Variants in OLFML2B observed in about 807,000 individuals in gnomAD.
OLFML2B encodes olfactomedin like 2B, also known as olfactomedin-like protein 2B.
In OLFML2B, 57 loss-of-function variants were observed where a neutral mutation model predicts 74.9. The observed-to-expected ratio is 0.76, with a 90% CI of 0.61 to 0.95. The LOEUF (loss-of-function observed/expected upper bound fraction) is 0.95. Among genes scored for constraint, OLFML2B ranks in the 40% least tolerant of loss-of-function variants. The pLI is 0.00. For missense variants in OLFML2B, 986 were observed against 970.6 expected (o/e 1.02, Z -0.21); for synonymous variants, 388 against 405.8 (o/e 0.96, Z 0.53).
chr1:161,989,260 C>G (rs932697270), intron 6 of OLFML2B, among the ~76,000 whole-genome samples: 2 of 152,226 alleles, frequency 1.3e-5, no homozygotes, highest in South Asian at 4.1e-4. Flanking sequence ...CACATCAGCC[C>G]TTCCTGCATC....
At chr1:162,007,440 G>A (rs576103891) in intron 3 of OLFML2B, among the ~76,000 whole-genome samples, 1 of 152,312 alleles carries the variant, frequency 6.6e-6, no homozygotes, top group South Asian at 2.1e-4. Context: ...TTTTCCTCTA[G>A]TTATTTTTAA....
chr1:162,022,244 C>A, intron 1 of OLFML2B, among the ~76,000 whole-genome samples: 2 of 70,774 alleles, frequency 2.8e-5, no homozygotes, highest in African/African-American at 5.9e-5. Context: ...TGTATCTCTT[C>A]TTTTTTTTTT....
intron 6 of OLFML2B, 58 bp from the exon 7 acceptor site, chr1:161,985,038 A>T: frequency 2.7e-6 from 4 of 1,504,822 alleles, no homozygotes; most frequent in Non-Finnish European, 3.6e-6. Flanking sequence ...CTCACCCCTT[A>T]AACCTTTGCT....
chr1:162,013,320 G>A (rs1432291644), intron 3 of OLFML2B, among the ~76,000 whole-genome samples: 1 of 152,148 alleles, frequency 6.6e-6, no homozygotes, highest in African/African-American at 2.4e-5. Flanking sequence ...ACCACCTTGA[G>A]TGTTTCTTAT....
intron 4 of OLFML2B, among the ~76,000 whole-genome samples, chr1:162,002,464 C>G (rs1690107264): frequency 1.3e-5 from 2 of 152,254 alleles, no homozygotes; most frequent in African/African-American, 2.4e-5. Context: ...TTTAGCTACT[C>G]CATGTTGGCT....
intron 2 of OLFML2B, among the ~76,000 whole-genome samples, chr1:162,018,198 G>T (rs566701909): frequency 3.3e-5 from 5 of 152,186 alleles, no homozygotes; most frequent in African/African-American, 4.8e-5. Flanking sequence ...CTTAGTAGCT[G>T]GGTGACAAAA....
At chr1:161,986,938 C>T (rs923549597) in intron 6 of OLFML2B, among the ~76,000 whole-genome samples, 1 of 152,244 alleles carries the variant, frequency 6.6e-6, no homozygotes, top group African/African-American at 2.4e-5. Flanking sequence ...TGACCAAACA[C>T]AGAAATTGCA....
At chr1:162,008,361 G>A (rs1690290676) in intron 3 of OLFML2B, among the ~76,000 whole-genome samples, 1 of 152,150 alleles carries the variant, frequency 6.6e-6, no homozygotes, top group African/African-American at 2.4e-5. Context: ...CTGAGGCCCA[G>A]AGCAAGAATG....
In OLFML2B at chr1:161,983,261, A is replaced by T. The variant is rs752033327; in HGVS notation, c.*414T>A. ...GGGTTTTTTAAAACTTCTCCAATAC[A>T]TTAAAACTTTTTTTCTCGCCACATA... is the stretch of plus-strand genomic sequence containing the variant. On this transcript the variant is annotated 3_prime_UTR_variant, in exon 8 of 8. Coordinates refer to ENST00000294794, the MANE Select transcript of OLFML2B (RefSeq NM_015441.3). 1.1e-3 allele frequency: 164 copies of T among 154,734 alleles called. No individual in the cohort carries two copies. The highest frequency in any genetic ancestry group is 2.1e-3 in the Non-Finnish European group (148 of 70,042). The allele number at this position is 154,734 out of a possible 1,614,324, so 9.6% of individuals were successfully genotyped here. A position where few individuals can be genotyped will look rare whatever the true frequency, so the allele number is the denominator to read the frequency against.
chr1:161,992,617 TG>T (rs1162478649), intron 6 of OLFML2B, among the ~76,000 whole-genome samples: 4 of 152,124 alleles, frequency 2.6e-5, no homozygotes, highest in Admixed American at 1.3e-4. Flanking sequence ...TAGAGGCCAT[TG>T]TAGGGTTATT....
chr1:162,023,290 G>A lies in OLFML2B; in HGVS notation c.141C>T (p.Asn47=), dbSNP rs770352048. ...AAACGTTCTCCTGGTTGTCCGCCTC[G>A]TTTTGCAGAGTCTCGTCCTCCGCAG... The part of the protein sequence containing the change: ...VAPAEDETLQ[N]EADNQENVLS... The change falls in exon 1 of 8, where the codon AAC becomes AAT. Residue 47 remains asparagine (N), a synonymous_variant. Transcript: ENST00000294794. 2 of 1,575,660 alleles carry A rather than the reference G, an allele frequency of 1.3e-6. No individual in the cohort carries two copies. The highest frequency in any genetic ancestry group is 1.4e-5 in the African/African-American group (1 of 73,538).
At chr1:161,990,455 TA>T (rs1160137700) in intron 6 of OLFML2B, among the ~76,000 whole-genome samples, 3 of 152,250 alleles carry the variant, frequency 2.0e-5, no homozygotes, top group African/African-American at 7.2e-5. Context: ...CCAGTGAGTA[TA>T]AAAGTTATGT....
At chr1:162,009,072 G>T (rs1339975894) in intron 3 of OLFML2B, among the ~76,000 whole-genome samples, 1 of 152,212 alleles carries the variant, frequency 6.6e-6, no homozygotes, top group Non-Finnish European at 1.5e-5. Flanking sequence ...TGCACTGAGG[G>T]TTCAAGCGTG....
chr1:161,996,781 T>G (rs1053975990), intron 6 of OLFML2B, among the ~76,000 whole-genome samples: 1 of 152,218 alleles, frequency 6.6e-6, no homozygotes, highest in Non-Finnish European at 1.5e-5. Context: ...AGGCACAGAA[T>G]AGGGCTGCAT....
intron 6 of OLFML2B, among the ~76,000 whole-genome samples, chr1:161,985,384 A>G (rs1689563817): frequency 6.6e-6 from 1 of 152,058 alleles, no homozygotes; most frequent in Non-Finnish European, 1.5e-5. Flanking sequence ...CTGCATCTCC[A>G]CAATGTTTGT....
chr1:162,006,966 T>A (rs564157615), intron 3 of OLFML2B, among the ~76,000 whole-genome samples: 1 of 152,322 alleles, frequency 6.6e-6, no homozygotes, highest in South Asian at 2.1e-4. Flanking sequence ...CTACTCTGCC[T>A]TTTTAGTGAG....
intron 3 of OLFML2B, among the ~76,000 whole-genome samples, chr1:162,014,677 A>C (rs1030228002): frequency 6.6e-6 from 1 of 152,220 alleles, no homozygotes; most frequent in African/African-American, 2.4e-5. Context: ...GTCAGCTGGC[A>C]TGAGCCTTGA....
Position 162,000,104 on chromosome 1 carries a change from C to T in OLFML2B, c.949+9G>A, listed in dbSNP as rs1401772057. 2 of 1,577,638 alleles carry T rather than the reference C, an allele frequency of 1.3e-6. No individual in the cohort carries two copies. The highest frequency in any genetic ancestry group is 2.7e-5 in the African/African-American group (2 of 74,062). On this transcript the variant is annotated intron_variant, in intron 5 of 7. Coordinates refer to ENST00000294794, the MANE Select transcript of OLFML2B (RefSeq NM_015441.3). Reference sequence around the variant, plus strand: ...TGCCTCTGGGGCGGCCCTGTTGACCCCAACTCACGCTGCTCTTCAATGTCA... The same window carrying T: ...TGCCTCTGGGGCGGCCCTGTTGACCTCAACTCACGCTGCTCTTCAATGTCA...
At position 161,998,119 on chromosome 1, in the gene OLFML2B, T is replaced by C. The variant is rs1689971081; in HGVS notation, c.1180A>G (p.Thr394Ala). Reference sequence around the variant, plus strand: ...GGAGACACCGAGGTTGTTTGGAGTGTTGGTCCCACTGAGGCATGGTTGGCG... The same window carrying C: ...GGAGACACCGAGGTTGTTTGGAGTGCTGGTCCCACTGAGGCATGGTTGGCG... ...SIANHASVGP[T>A]LQTTSVSPDP... The change falls in exon 6 of 8, where the codon ACA (threonine) becomes GCA (alanine). Residue 394 changes from threonine to alanine, a missense_variant. Coordinates refer to ENST00000294794, the MANE Select transcript of OLFML2B (RefSeq NM_015441.3). 3.7e-6 allele frequency: 6 copies of C among 1,614,024 alleles called. No individual in the cohort carries two copies. The highest frequency in any genetic ancestry group is 5.1e-6 in the Non-Finnish European group (6 of 1,180,028).
Sources: gnomAD v4.1 joint callset for allele counts (sites outside exome capture counted in the v4.1 genomes callset) on GRCh38, gnomAD v4.1.1 for gene constraint, MANE v1.5 for transcripts, NCBI Gene and HGNC (gene_info 2026-07-23, HGNC 2026-07-21) for gene names.